ZNF407: variants seen among roughly 807,000 people sequenced by gnomAD.
ZNF407 encodes the protein zinc finger protein 407.
In ZNF407, 17 loss-of-function variants were observed where a neutral mutation model predicts 131.2. That is an observed-to-expected ratio of 0.13 (90% CI 0.09 to 0.19). The LOEUF (loss-of-function observed/expected upper bound fraction) is 0.19, where lower values mean the gene tolerates loss of function less well. ZNF407 is among the 10% of genes least tolerant of loss of function. The pLI is 1.00. For synonymous variants in ZNF407, 1,156 were observed against 1,062.0 expected (o/e 1.09, Z -1.72); for missense variants, 2,681 against 2,830.6 (o/e 0.95, Z 1.20).
At chr18:74,917,474 CTTGAT>C (rs1971788544) in intron 7 of ZNF407, among the ~76,000 whole-genome samples, 1 of 152,112 alleles carries the variant, frequency 6.6e-6, no homozygotes, top group Admixed American at 6.5e-5. Flanking sequence ...CCACGTCTTT[CTTGAT>C]TTATTTTATA....
intron 3 of ZNF407, among the ~76,000 whole-genome samples, chr18:74,762,061 C>T (rs996203146): frequency 2.0e-5 from 3 of 151,984 alleles, no homozygotes; most frequent in African/African-American, 7.2e-5. Context: ...CTTTTAGTTA[C>T]CTTTTTGCTC....
intron 7 of ZNF407, among the ~76,000 whole-genome samples, chr18:74,916,362 A>G (rs1184857225): frequency 7.4e-5 from 5 of 67,650 alleles, no homozygotes; most frequent in Non-Finnish European, 1.0e-4. Flanking sequence ...GTGTGCGTGC[A>G]TGTGTGTGCT....
chr18:74,728,483 A>G (rs1257675408), intron 3 of ZNF407, among the ~76,000 whole-genome samples: 3 of 152,190 alleles, frequency 2.0e-5, no homozygotes, highest in African/African-American at 4.8e-5. Flanking sequence ...CCCTGGCAGT[A>G]ACTAGCTTTA....
chr18:74,884,618 A>G (rs1489040708), intron 6 of ZNF407, among the ~76,000 whole-genome samples: 1 of 152,194 alleles, frequency 6.6e-6, no homozygotes, highest in Non-Finnish European at 1.5e-5. Context: ...GTCAAAGAAA[A>G]TATGAAAGAA....
At chr18:74,950,593 C>T (rs542453724) in intron 8 of ZNF407, among the ~76,000 whole-genome samples, 11 of 152,194 alleles carry the variant, frequency 7.2e-5, no homozygotes, top group Non-Finnish European at 1.3e-4. Flanking sequence ...AATTGTTCTA[C>T]CGTTACAGAT....
Position 74,910,464 on chromosome 18 carries a change from G to A in ZNF407, c.5250-10050G>A, listed in dbSNP as rs146239775. The stretch of plus-strand genomic sequence containing the variant: ...AATTAAGGTTAATTTTATATTGAAA[G>A]TCATATTTTTAGGTTCATACTCTAT... On this transcript the variant is annotated intron_variant, in intron 7 of 8. Transcript: ENST00000299687. Among the ~76,000 whole-genome samples the A allele has an allele frequency of 1.8e-4, 28 of 151,804 alleles. 1 individual carries two copies. In the East Asian group the frequency reaches 4.7e-3, roughly 25 times the overall value.
intron 3 of ZNF407, among the ~76,000 whole-genome samples, chr18:74,755,195 G>A (rs937424819): frequency 6.0e-5 from 9 of 150,760 alleles, no homozygotes; most frequent in African/African-American, 1.5e-4. Context: ...TTTGTTTTCC[G>A]TTTGCTTGGT....
chr18:74,701,489 T>C (rs908738073), intron 3 of ZNF407, among the ~76,000 whole-genome samples: 5 of 152,160 alleles, frequency 3.3e-5, no homozygotes, highest in Non-Finnish European at 7.3e-5. Context: ...ATGTATACCA[T>C]AGACAGACAG....
intron 4 of ZNF407, among the ~76,000 whole-genome samples, chr18:74,825,277 G>T (rs1334052234): frequency 6.6e-6 from 1 of 152,050 alleles, no homozygotes. Context: ...TTTGTAAACC[G>T]GCACCAGACA....
chr18:74,804,756 A>G (rs1373609714), intron 4 of ZNF407: 2 of 348,172 alleles, frequency 5.7e-6, no homozygotes, highest in Non-Finnish European at 8.1e-6. Flanking sequence ...TGTTTCCTAT[A>G]TTACTTAGGA....
intron 8 of ZNF407, among the ~76,000 whole-genome samples, chr18:74,936,118 C>T (rs767368032): frequency 3.9e-5 from 6 of 152,066 alleles, no homozygotes; most frequent in Admixed American, 1.3e-4. Flanking sequence ...AAGTATGTTA[C>T]GAAGACATTT....
At chr18:74,627,807 T>TGC (rs768862900) in intron 1 of ZNF407, among the ~76,000 whole-genome samples, 18,863 of 136,444 alleles carry the variant, frequency 0.14, 1,496 homozygotes, top group African/African-American at 0.21. Flanking sequence ...TCTCTCTTTC[T>TGC]CTCTTTCTGC....
intron 4 of ZNF407, among the ~76,000 whole-genome samples, chr18:74,848,060 A>C (rs142206927): frequency 1.3e-5 from 2 of 152,266 alleles, no homozygotes; most frequent in East Asian, 3.9e-4. Context: ...ATTTCTAGAA[A>C]TTATTACCTT....
intron 8 of ZNF407, among the ~76,000 whole-genome samples, chr18:75,006,430 A>C (rs1972911372): frequency 6.6e-6 from 1 of 152,148 alleles, no homozygotes. Context: ...CCTCCAAGTA[A>C]TGTCTTAGCT....
At chr18:74,734,767 T>A (rs1488608750) in intron 3 of ZNF407, among the ~76,000 whole-genome samples, 1 of 151,954 alleles carries the variant, frequency 6.6e-6, no homozygotes, top group African/African-American at 2.4e-5. Context: ...TAGGTTGACA[T>A]GTACAAACAA....
At chr18:74,617,129 T>G (rs1983344450) in intron 1 of ZNF407, among the ~76,000 whole-genome samples, 3 of 150,088 alleles carry the variant, frequency 2.0e-5, no homozygotes, top group African/African-American at 2.5e-5. Context: ...CACACATCCA[T>G]ATCCACACAC....
At chr18:74,967,216 C>T (rs1044165208) in intron 8 of ZNF407, among the ~76,000 whole-genome samples, 4 of 152,116 alleles carry the variant, frequency 2.6e-5, no homozygotes, top group Non-Finnish European at 2.9e-5. Flanking sequence ...TGCTGCACTC[C>T]ATCCTGGGCG....
intron 1 of ZNF407, among the ~76,000 whole-genome samples, chr18:74,617,483 T>C (rs926143099): frequency 0.11 from 16,324 of 152,288 alleles, 981 homozygotes; most frequent in Non-Finnish European, 0.14. Context: ...CCTTTCTTTA[T>C]ATACTTTTAT....
intron 1 of ZNF407, among the ~76,000 whole-genome samples, chr18:74,629,130 T>A (rs936449762): frequency 6.6e-6 from 1 of 152,258 alleles, no homozygotes; most frequent in African/African-American, 2.4e-5. Flanking sequence ...AAAGAACTGG[T>A]AGACTGTTTT....
Sources: gnomAD v4.1 joint callset for allele counts (sites outside exome capture counted in the v4.1 genomes callset) on GRCh38, gnomAD v4.1.1 for gene constraint, MANE v1.5 for transcripts, NCBI Gene and HGNC (gene_info 2026-07-23, HGNC 2026-07-21) for gene names.